The following CCDC13 variants were observed in gnomAD, a reference collection of about 807,000 sequenced individuals.
The protein encoded by CCDC13 is coiled-coil domain-containing protein 13.
Under a neutral mutation model 87.3 loss-of-function variants are expected in CCDC13, and 70 were observed. The ratio of observed to expected loss-of-function variants is 0.80; its 90% CI spans 0.66 to 0.98. CCDC13 has a LOEUF of 0.98. CCDC13 is among the 50% of genes least tolerant of loss of function. CCDC13 has a pLI of 0.00. For synonymous variants in CCDC13, 317 were observed against 360.3 expected (o/e 0.88, Z 1.36); for missense variants, 842 against 892.0 (o/e 0.94, Z 0.71).
chr3:42,762,943 T>C (rs1254784971), intron 1 of CCDC13, among the ~76,000 whole-genome samples: 2 of 151,910 alleles, frequency 1.3e-5, no homozygotes, highest in East Asian at 3.9e-4. Flanking sequence ...TCAGACCCTG[T>C]CTCCAAAATA....
intron 13 of CCDC13, among the ~76,000 whole-genome samples, chr3:42,724,700 T>G (rs1435965615): frequency 6.6e-6 from 1 of 152,234 alleles, no homozygotes; most frequent in East Asian, 1.9e-4. Flanking sequence ...TGATTTTCAT[T>G]GTATTTCAAG....
chr3:42,713,747 T>A (rs1418977705), intron 13 of CCDC13, among the ~76,000 whole-genome samples: 1 of 152,240 alleles, frequency 6.6e-6, no homozygotes, highest in Non-Finnish European at 1.5e-5. Flanking sequence ...TGTATACGTT[T>A]TTGGATGAAT....
rs1464700012 is a variant in CCDC13, at chr3:42,712,293, G to A, written c.1873+869C>T. On this transcript the variant is annotated intron_variant, in intron 14 of 15. Transcript: ENST00000310232. ...TGGAGGGGGCTGGGATGGGTGGGAT[G>A]GGAGGTCAGACAGAGGCAGGCCCAG... 3.3e-5 allele frequency among the ~76,000 whole-genome samples: 5 copies of A among 151,936 alleles called. No homozygotes were observed. In the East Asian group the frequency reaches 9.7e-4, roughly 30 times the overall value.
chr3:42,730,407 T>A, intron 13 of CCDC13, 60 bp downstream of exon 13: 1 of 1,584,748 alleles, frequency 6.3e-7, no homozygotes, highest in Non-Finnish European at 8.6e-7. Context: ...AAATGAGGCC[T>A]GGCCCCAGTC....
At chr3:42,709,649 C>A in intron 15 of CCDC13, 35 bp downstream of exon 15, 1 of 1,561,156 alleles carries the variant, frequency 6.4e-7, no homozygotes, top group South Asian at 1.1e-5. Flanking sequence ...GCTCAGACAA[C>A]CCTACCCTTT....
intron 1 of CCDC13, among the ~76,000 whole-genome samples, chr3:42,763,800 C>T (rs1699881191): frequency 6.6e-6 from 1 of 152,254 alleles, no homozygotes; most frequent in South Asian, 2.1e-4. Context: ...GCCACTGCAC[C>T]CAGTCTGAAG....
At chr3:42,739,513 G>A (rs1456091276) in intron 9 of CCDC13, 121 bp downstream of exon 9, 7 of 1,127,932 alleles carry the variant, frequency 6.2e-6, no homozygotes, top group South Asian at 1.6e-5. Context: ...GGAGGCAACG[G>A]GCTTTGGGGT....
At chr3:42,746,399 A>G in intron 6 of CCDC13, 1 of 227,512 alleles carries the variant, frequency 4.4e-6, no homozygotes, top group East Asian at 9.7e-5. Context: ...TATAGGAAGT[A>G]CATCACCACA....
chr3:42,765,769 G>C (rs997462889), intron 1 of CCDC13, among the ~76,000 whole-genome samples: 6 of 152,170 alleles, frequency 3.9e-5, no homozygotes, highest in African/African-American at 1.4e-4. Context: ...GGGGGCAACG[G>C]GCTCTCCTGC....
chr3:42,763,535 C>T (rs1047064996), intron 1 of CCDC13, among the ~76,000 whole-genome samples: 6 of 146,402 alleles, frequency 4.1e-5, no homozygotes, highest in South Asian at 4.3e-4. Flanking sequence ...GATGAAGTCT[C>T]GCTCTGTCAC....
At chr3:42,756,025 G>A (rs772614289) in intron 3 of CCDC13, among the ~76,000 whole-genome samples, 1 of 152,186 alleles carries the variant, frequency 6.6e-6, no homozygotes, top group South Asian at 2.1e-4. Flanking sequence ...ATGGAGGGAG[G>A]TGCATTAGGC....
chr3:42,752,084 G>A, intron 4 of CCDC13, 59 bp from the exon 5 acceptor site: 1 of 1,429,672 alleles, frequency 7.0e-7, no homozygotes, highest in Non-Finnish European at 9.7e-7. Flanking sequence ...CCCAAGGAAA[G>A]CACTCTGGTG....
chr3:42,750,667 C>T (rs1306586684), intron 5 of CCDC13, among the ~76,000 whole-genome samples: 3 of 152,184 alleles, frequency 2.0e-5, no homozygotes, highest in African/African-American at 4.8e-5. Context: ...GGTGTTTCAC[C>T]ATGTTGGCCA....
chr3:42,708,216 G>C lies in CCDC13; in HGVS notation c.*764C>G, dbSNP rs183831262. Reference sequence around the variant, plus strand: ...CGCCTACCCTGGGTAATCTCTGAACGGCAAGACCCTGGTTTTGGGGTCAGG... The same window carrying C: ...CGCCTACCCTGGGTAATCTCTGAACCGCAAGACCCTGGTTTTGGGGTCAGG... On this transcript the variant is annotated 3_prime_UTR_variant, in exon 16 of 16. Transcript: ENST00000310232. 15 of 152,204 alleles carry C rather than the reference G, an allele frequency of 9.9e-5. No individual in the cohort carries two copies. The East Asian group carries it at 2.3e-3, about 24-fold the overall frequency. The allele number at this position is 152,204 out of a possible 1,614,324, so 9.4% of individuals were successfully genotyped here. A position where few individuals can be genotyped will look rare whatever the true frequency, so the allele number is the denominator to read the frequency against.
chr3:42,714,402 T>C (rs1205237467), intron 13 of CCDC13, among the ~76,000 whole-genome samples: 2 of 152,250 alleles, frequency 1.3e-5, no homozygotes, highest in East Asian at 3.8e-4. Context: ...CAGTGTCATA[T>C]GTCCTTTCTC....
intron 10 of CCDC13, among the ~76,000 whole-genome samples, chr3:42,734,335 C>T (rs534959771): frequency 1.3e-5 from 2 of 152,350 alleles, no homozygotes; most frequent in African/African-American, 4.8e-5. Context: ...GAGGTAGGAA[C>T]AGTCTTCTCC....
At chr3:42,743,598 T>TATATATATAC (rs1177457392) in intron 7 of CCDC13, among the ~76,000 whole-genome samples, 4 of 128,758 alleles carry the variant, frequency 3.1e-5, no homozygotes, top group Admixed American at 1.5e-4. Flanking sequence ...TATATATATA[T>TATATATATAC]ATACACACAC....
Position 42,758,362 on chromosome 3 carries a change from G to GA in CCDC13, c.-6-12dup, listed in dbSNP as rs2125910033. Reference sequence around the variant, plus strand: ...TGCTGCCATCCTGCCCTAGGCATCAGAAATGAAGCCTCAGCTGAAGCAAAC... The same window carrying GA: ...TGCTGCCATCCTGCCCTAGGCATCAGAAAATGAAGCCTCAGCTGAAGCAAAC... On this transcript the variant is annotated splice_polypyrimidine_tract_variant and intron_variant, in intron 1 of 15. Coordinates refer to ENST00000310232, the MANE Select transcript of CCDC13 (RefSeq NM_144719.4). The GA allele has an allele frequency of 6.8e-6, 11 of 1,610,826 alleles. No homozygotes were observed. Among genetic ancestry groups the GA allele is most frequent in the Non-Finnish European group, 9.3e-6 (11 of 1,179,592 alleles).
At chr3:42,718,222 GT>G (rs1698476305) in intron 13 of CCDC13, 1 of 152,178 alleles carries the variant, frequency 6.6e-6, no homozygotes, top group Non-Finnish European at 1.5e-5. Context: ...AGTAAAAAAG[GT>G]GGTCCAAACC....
Sources: gnomAD v4.1 joint callset for allele counts (sites outside exome capture counted in the v4.1 genomes callset) on GRCh38, gnomAD v4.1.1 for gene constraint, MANE v1.5 for transcripts, NCBI Gene and HGNC (gene_info 2026-07-23, HGNC 2026-07-21) for gene names.